Variants in GPC5 observed in about 807,000 individuals in gnomAD.
GPC5 encodes the protein glypican-5.
Under a neutral mutation model 53.9 loss-of-function variants are expected in GPC5, and 47 were observed. That is an observed-to-expected ratio of 0.87 (90% CI 0.69 to 1.11). The LOEUF is 1.11. Among genes scored for constraint, GPC5 ranks in the 50% most tolerant of loss-of-function variants. The probability of loss-of-function intolerance (pLI) is 0.00; values close to 1 mark genes in which losing one functional copy is unlikely to be tolerated. For synonymous variants in GPC5, 286 were observed against 263.3 expected, an observed-to-expected ratio of 1.09 and a Z score of -0.84; for missense variants, 748 against 713.1, an observed-to-expected ratio of 1.05 and a Z score of -0.56.
At chr13:91,538,126 TC>T (rs1281680654) in intron 2 of GPC5, among the ~76,000 whole-genome samples, 1 of 152,232 alleles carries the variant, frequency 6.6e-6, no homozygotes, top group Non-Finnish European at 1.5e-5. Context: ...GCTGCATTTG[TC>T]CATAGATTAG....
At chr13:91,831,414 T>C (rs923342168) in intron 5 of GPC5, among the ~76,000 whole-genome samples, 10 of 152,016 alleles carry the variant, frequency 6.6e-5, no homozygotes, top group Non-Finnish European at 1.3e-4. Context: ...TTAATCTCTT[T>C]TGGCAACACT....
intron 6 of GPC5, among the ~76,000 whole-genome samples, chr13:91,938,901 A>T (rs759456045): frequency 2.4e-4 from 36 of 152,096 alleles, no homozygotes; most frequent in Non-Finnish European, 4.1e-4. Flanking sequence ...TTTCTTAGTG[A>T]TAATGAAAAA....
intron 3 of GPC5, among the ~76,000 whole-genome samples, chr13:91,696,628 C>A (rs1213159325): frequency 4.9e-4 from 74 of 152,230 alleles, no homozygotes; most frequent in Non-Finnish European, 1.5e-5. Context: ...AAGTCTACTC[C>A]TCCATAAATA....
At chr13:91,623,759 T>G (rs1201133672) in intron 2 of GPC5, among the ~76,000 whole-genome samples, 1 of 152,094 alleles carries the variant, frequency 6.6e-6, no homozygotes, top group Non-Finnish European at 1.5e-5. Flanking sequence ...TAGAGGGACC[T>G]TCTTTGGCTC....
intron 7 of GPC5, among the ~76,000 whole-genome samples, chr13:92,601,330 C>A (rs559031165): frequency 5.3e-5 from 8 of 151,968 alleles, no homozygotes; most frequent in African/African-American, 1.4e-4. Flanking sequence ...CGGAGGCAGG[C>A]GGATCACCTG....
chr13:92,445,537 T>G (rs1304016597), intron 7 of GPC5, among the ~76,000 whole-genome samples: 3 of 144,310 alleles, frequency 2.1e-5, no homozygotes, highest in Non-Finnish European at 4.5e-5. Context: ...CATTGTTCAT[T>G]TCCCACCTAT....
chr13:91,816,291 G>T (rs1288768957), intron 5 of GPC5, among the ~76,000 whole-genome samples: 1 of 152,072 alleles, frequency 6.6e-6, no homozygotes, highest in East Asian at 1.9e-4. Flanking sequence ...GGTGGGCATT[G>T]GAAAGTATTG....
At chr13:91,727,300 G>A (rs1159092423) in intron 3 of GPC5, among the ~76,000 whole-genome samples, 2 of 152,076 alleles carry the variant, frequency 1.3e-5, no homozygotes, top group Non-Finnish European at 2.9e-5. Flanking sequence ...AGCCTTTCCC[G>A]GGGTAGTCTT....
chr13:92,258,839 A>C (rs2042745083), intron 7 of GPC5, among the ~76,000 whole-genome samples: 1 of 152,170 alleles, frequency 6.6e-6, no homozygotes, highest in Non-Finnish European at 1.5e-5. Context: ...ACTACATGGG[A>C]GGCTTAGGCA....
intron 6 of GPC5, among the ~76,000 whole-genome samples, chr13:91,940,125 C>T (rs970406139): frequency 7.2e-5 from 11 of 152,094 alleles, no homozygotes; most frequent in African/African-American, 2.2e-4. Flanking sequence ...TCTTTCTTAA[C>T]CCTGTGCTGC....
At chr13:91,400,404 G>T (rs968444514) in intron 1 of GPC5, among the ~76,000 whole-genome samples, 1 of 152,140 alleles carries the variant, frequency 6.6e-6, no homozygotes, top group East Asian at 1.9e-4. Context: ...CTATTTCTTT[G>T]TATACCTGTT....
In GPC5 at chr13:91,587,916, C is replaced by T. The variant is rs565363364; in HGVS notation, c.326-105271C>T. ...AATGTCTCCTGCATTGTATATTATGCTTGCTCTATGCTATTAAAGTAATGA... is the reference window on the plus strand; with the variant it reads ...AATGTCTCCTGCATTGTATATTATGTTTGCTCTATGCTATTAAAGTAATGA... On this transcript the variant is annotated intron_variant, in intron 2 of 7. Transcript: ENST00000377067. Among the ~76,000 whole-genome samples the T allele has an allele frequency of 1.4e-4, 22 of 152,240 alleles. 1 individual carries two copies. In the South Asian group the frequency reaches 4.4e-3, roughly 30 times the overall value.
intron 3 of GPC5, among the ~76,000 whole-genome samples, chr13:91,724,642 G>A (rs964421273): frequency 1.3e-5 from 2 of 151,704 alleles, no homozygotes; most frequent in African/African-American, 4.8e-5. Context: ...TGAGGCCAGG[G>A]GTTTGAGACC....
At chr13:92,684,633 T>C (rs1887206099) in intron 7 of GPC5, among the ~76,000 whole-genome samples, 2 of 152,332 alleles carry the variant, frequency 1.3e-5, no homozygotes, top group East Asian at 3.9e-4. Context: ...AGAGTGTTTG[T>C]CTATTTGCCT....
At chr13:92,058,543 A>G (rs1387044061) in intron 6 of GPC5, among the ~76,000 whole-genome samples, 1 of 152,180 alleles carries the variant, frequency 6.6e-6, no homozygotes, top group Non-Finnish European at 1.5e-5. Context: ...TCTGTAGTTT[A>G]CATTAGAATT....
At chr13:92,463,791 T>C (rs2139413318) in intron 7 of GPC5, among the ~76,000 whole-genome samples, 1 of 152,360 alleles carries the variant, frequency 6.6e-6, no homozygotes, top group African/African-American at 2.4e-5. Context: ...AGCTTTTTTC[T>C]ACTATGAAAT....
chr13:92,473,886 T>C (rs563434062), intron 7 of GPC5, among the ~76,000 whole-genome samples: 1 of 152,234 alleles, frequency 6.6e-6, no homozygotes, highest in South Asian at 2.1e-4. Context: ...CACTTGAACT[T>C]CCTTTGAACT....
chr13:91,689,005 A>C (rs193182), intron 2 of GPC5, among the ~76,000 whole-genome samples: 6,560 of 151,128 alleles, frequency 0.043, 177 homozygotes, highest in Middle Eastern at 0.15. Context: ...CAAAAAAATA[A>C]TAAAAAGTAA....
At chr13:92,515,316 G>A (rs554611656) in intron 7 of GPC5, among the ~76,000 whole-genome samples, 2 of 152,174 alleles carry the variant, frequency 1.3e-5, no homozygotes, top group Non-Finnish European at 2.9e-5. Flanking sequence ...CAAGATGGGA[G>A]CAGCATTTTT....
Sources: allele counts gnomAD v4.1 joint callset (sites outside exome capture counted in the v4.1 genomes callset), GRCh38; gene constraint gnomAD v4.1.1; transcripts MANE v1.5; gene names NCBI Gene and HGNC (gene_info 2026-07-23, HGNC 2026-07-21).